EYS: variants seen among roughly 807,000 people sequenced by gnomAD.
EYS encodes the protein EGF-like photoreceptor maintenance factor, also known as protein eyes shut homolog.
A neutral mutation model predicts 282.1 loss-of-function variants in EYS; 250 were observed. The ratio of observed to expected loss-of-function variants is 0.89; its 90% CI spans 0.80 to 0.98. The LOEUF (loss-of-function observed/expected upper bound fraction) is 0.98. Ranked by LOEUF, EYS falls within the 50% of genes least tolerant of loss-of-function variation. The pLI is 0.00. For missense variants in EYS, 4,016 were observed against 3,709.0 expected (o/e 1.08, Z -2.15); for synonymous variants, 1,355 against 1,282.9 (o/e 1.06, Z -1.20).
chr6:65,053,578 CA>C (rs1202588303), intron 13 of EYS, among the ~76,000 whole-genome samples: 1 of 151,676 alleles, frequency 6.6e-6, no homozygotes, highest in East Asian at 1.9e-4. Context: ...ACAATTAGCT[CA>C]AAAAATAGGT....
intron 2 of EYS, among the ~76,000 whole-genome samples, chr6:65,517,378 C>A (rs375622641): frequency 6.6e-6 from 1 of 150,842 alleles, no homozygotes; most frequent in Non-Finnish European, 1.5e-5. Context: ...AAACCAGTTT[C>A]TTTGAATAAC....
At chr6:65,252,980 T>A (rs1172006884) in intron 12 of EYS, among the ~76,000 whole-genome samples, 1 of 152,016 alleles carries the variant, frequency 6.6e-6, no homozygotes, top group East Asian at 1.9e-4. Context: ...TTCTAGCATT[T>A]GAGACATCCC....
chr6:64,650,942 T>C (rs866253123), intron 22 of EYS, among the ~76,000 whole-genome samples: 1 of 151,982 alleles, frequency 6.6e-6, no homozygotes, highest in Non-Finnish European at 1.5e-5. Flanking sequence ...TATCTTCACG[T>C]TTATTGTTTG....
At position 65,087,959 on chromosome 6, in the gene EYS, G is replaced by A. The variant is rs575537749; in HGVS notation, c.2024-30232C>T. Among the ~76,000 whole-genome samples the A allele has an allele frequency of 1.2e-4, 19 of 152,186 alleles. No individual in the cohort carries two copies. The South Asian group carries it at 3.5e-3, about 28-fold the overall frequency. ...CCATGCCGTTCTCGTGATTATGGGGGAGTCTTGTGAGATCTGATGGTTTTA... is the reference window on the plus strand; with the variant it reads ...CCATGCCGTTCTCGTGATTATGGGGAAGTCTTGTGAGATCTGATGGTTTTA... On this transcript the variant is annotated intron_variant, in intron 12 of 42. Transcript: ENST00000503581.
At chr6:63,828,918 G>A (rs2149689799) in intron 36 of EYS, among the ~76,000 whole-genome samples, 1 of 152,304 alleles carries the variant, frequency 6.6e-6, no homozygotes, top group African/African-American at 2.4e-5. Context: ...AAACTGTGTG[G>A]AGATTCCTTA....
chr6:65,428,879 C>T (rs533717258), intron 5 of EYS, among the ~76,000 whole-genome samples: 3 of 152,092 alleles, frequency 2.0e-5, no homozygotes, highest in Non-Finnish European at 1.5e-5. Flanking sequence ...GAAATTGTGG[C>T]CTATAAATAA....
chr6:64,679,097 A>T (rs10455555), intron 22 of EYS, among the ~76,000 whole-genome samples: 1 of 152,110 alleles, frequency 6.6e-6, no homozygotes, highest in Admixed American at 6.6e-5. Flanking sequence ...AAAAAGTTAC[A>T]CTTTCATTTC....
At chr6:64,683,210 A>G (rs1769967155) in intron 22 of EYS, among the ~76,000 whole-genome samples, 1 of 152,120 alleles carries the variant, frequency 6.6e-6, no homozygotes, top group African/African-American at 2.4e-5. Context: ...TTCACAATCC[A>G]TTTTTTTAAA....
At chr6:64,607,307 A>C (rs1319709201) in intron 24 of EYS, among the ~76,000 whole-genome samples, 1 of 152,038 alleles carries the variant, frequency 6.6e-6, no homozygotes, top group Non-Finnish European at 1.5e-5. Flanking sequence ...AAAAAGAAAA[A>C]ATTGAAGGCA....
intron 31 of EYS, among the ~76,000 whole-genome samples, chr6:64,228,595 T>C (rs1231546318): frequency 6.6e-6 from 1 of 152,162 alleles, no homozygotes; most frequent in Non-Finnish European, 1.5e-5. Context: ...CATTATCCAA[T>C]TTATTAGTTT....
intron 26 of EYS, among the ~76,000 whole-genome samples, chr6:64,500,904 T>C (rs34848022): frequency 0.26 from 39,243 of 152,004 alleles, 5,550 homozygotes; most frequent in East Asian, 0.35. Context: ...ATAACATTGA[T>C]TATGTTAACT....
intron 42 of EYS, among the ~76,000 whole-genome samples, chr6:63,724,322 A>G (rs1768530664): frequency 6.6e-6 from 1 of 152,174 alleles, no homozygotes; most frequent in African/African-American, 2.4e-5. Context: ...TGTAGGACCT[A>G]ATATTTGTGA....
At chr6:65,052,633 T>C (rs1239475260) in intron 13 of EYS, among the ~76,000 whole-genome samples, 1 of 151,606 alleles carries the variant, frequency 6.6e-6, no homozygotes, top group Non-Finnish European at 1.5e-5. Context: ...GCATGAGGTT[T>C]TGTTCAGGTA....
intron 37 of EYS, among the ~76,000 whole-genome samples, chr6:63,793,909 T>C (rs940666114): frequency 6.6e-6 from 1 of 152,190 alleles, no homozygotes; most frequent in African/African-American, 2.4e-5. Context: ...GTCAGGGCAG[T>C]ATGTGTGGGG....
chr6:64,554,412 G>T (rs1416644452), intron 26 of EYS, among the ~76,000 whole-genome samples: 2 of 151,948 alleles, frequency 1.3e-5, no homozygotes. Context: ...AGAAGAAGGG[G>T]CATGACTATA....
chr6:63,730,556 T>C (rs1414659033), intron 41 of EYS, among the ~76,000 whole-genome samples: 1 of 152,238 alleles, frequency 6.6e-6, no homozygotes, highest in Non-Finnish European at 1.5e-5. Flanking sequence ...TCCCTGGAGA[T>C]GTTCAATGAA....
At chr6:64,115,853 T>C (rs1325025313) in intron 31 of EYS, among the ~76,000 whole-genome samples, 4 of 152,120 alleles carry the variant, frequency 2.6e-5, no homozygotes, top group Non-Finnish European at 5.9e-5. Context: ...AAAGTGGAGA[T>C]CTATGAATTT....
intron 11 of EYS, chr6:65,332,530 T>G: frequency 1.1e-6 from 1 of 871,522 alleles, no homozygotes; most frequent in Non-Finnish European, 1.8e-6. Context: ...TCATTTTCAT[T>G]GATCTTAGTG....
chr6:64,391,747 A>C (rs1480473590), intron 28 of EYS, among the ~76,000 whole-genome samples: 1 of 152,062 alleles, frequency 6.6e-6, no homozygotes, highest in African/African-American at 2.4e-5. Flanking sequence ...CTAACATCAT[A>C]ATGACAGGAT....
Sources: gnomAD v4.1 joint callset for allele counts (sites outside exome capture counted in the v4.1 genomes callset) on GRCh38, gnomAD v4.1.1 for gene constraint, MANE v1.5 for transcripts, NCBI Gene and HGNC (gene_info 2026-07-23, HGNC 2026-07-21) for gene names.